The following ANKRD45 variants were observed in gnomAD, a reference collection of about 807,000 sequenced individuals.
ANKRD45 encodes ankyrin repeat domain 45, also known as ankyrin repeat domain-containing protein 45.
A neutral mutation model predicts 28.1 loss-of-function variants in ANKRD45; 21 were observed. The observed-to-expected ratio is 0.75, with a 90% confidence interval of 0.53 to 1.08. The LOEUF is 1.08. Among genes scored for constraint, ANKRD45 ranks in the 50% least tolerant of loss-of-function variants. ANKRD45 has a pLI of 0.00. For missense variants in ANKRD45, 261 were observed against 308.7 expected (o/e 0.85, Z 1.16); for synonymous variants, 86 against 103.9 (o/e 0.83, Z 1.05).
At chr1:173,650,935 A>C (rs186763975) in intron 2 of ANKRD45, among the ~76,000 whole-genome samples, 4 of 151,950 alleles carry the variant, frequency 2.6e-5, no homozygotes, top group Non-Finnish European at 4.4e-5. Flanking sequence ...CCACTTTTTG[A>C]TGGGGTTGTT....
the ANKRD45 span, among the ~76,000 whole-genome samples, chr1:173,694,340 G>A: frequency 9.9e-5 from 15 of 151,822 alleles, no homozygotes; most frequent in Non-Finnish European, 2.2e-4. Flanking sequence ...AACTTTTGTA[G>A]TTTTAGTAGA....
At chr1:173,703,250 C>CTGGA in the ANKRD45 span, among the ~76,000 whole-genome samples, 1 of 151,084 alleles carries the variant, frequency 6.6e-6, no homozygotes, top group African/African-American at 2.4e-5. Flanking sequence ...GTCGCCCAGG[C>CTGGA]TGGAGTGCAG....
intron 2 of ANKRD45, among the ~76,000 whole-genome samples, chr1:173,648,839 GT>G (rs1429164277): frequency 6.6e-6 from 1 of 152,044 alleles, no homozygotes. Context: ...ATATAGTATG[GT>G]TTTCAGGTAT....
At chr1:173,619,925 C>T (rs969092027) in intron 5 of ANKRD45, among the ~76,000 whole-genome samples, 1 of 151,662 alleles carries the variant, frequency 6.6e-6, no homozygotes, top group Non-Finnish European at 1.5e-5. Context: ...TATATATGCA[C>T]ACAATACAGG....
At chr1:173,630,122 T>C (rs1251553509) in intron 3 of ANKRD45, among the ~76,000 whole-genome samples, 2 of 152,158 alleles carry the variant, frequency 1.3e-5, no homozygotes, top group African/African-American at 4.8e-5. Context: ...AGCTGAGGGA[T>C]TTCATCAACA....
chr1:173,655,369 G>A (rs1370439908), intron 2 of ANKRD45, among the ~76,000 whole-genome samples: 1 of 152,204 alleles, frequency 6.6e-6, no homozygotes, highest in Non-Finnish European at 1.5e-5. Context: ...CTGCAGGTCT[G>A]TTGGAGTTTG....
upstream of ANKRD45, among the ~76,000 whole-genome samples, chr1:173,673,814 A>C (rs1647460544): frequency 6.6e-6 from 1 of 152,174 alleles, no homozygotes; most frequent in African/African-American, 2.4e-5. Flanking sequence ...ACTTTATTTC[A>C]AAATAATTTG....
chr1:173,693,367 ATTCT>A, the ANKRD45 span, among the ~76,000 whole-genome samples: 1 of 152,066 alleles, frequency 6.6e-6, no homozygotes, highest in African/African-American at 2.4e-5. Flanking sequence ...ATTCTTTGTT[ATTCT>A]TTCTATCTCT....
intron 3 of ANKRD45, among the ~76,000 whole-genome samples, chr1:173,641,896 C>T (rs895778154): frequency 3.3e-5 from 5 of 152,134 alleles, no homozygotes; most frequent in African/African-American, 1.2e-4. Context: ...AACTATATTA[C>T]AATCAGCAAT....
the ANKRD45 span, among the ~76,000 whole-genome samples, chr1:173,709,089 C>A: frequency 4.2e-3 from 639 of 152,368 alleles, 5 homozygotes; most frequent in African/African-American, 0.015. Context: ...CCCTGGCCAA[C>A]CTGTCCTTGC....
chr1:173,646,549 T>C (rs548861019), intron 3 of ANKRD45, among the ~76,000 whole-genome samples: 36 of 152,226 alleles, frequency 2.4e-4, no homozygotes, highest in Non-Finnish European at 4.9e-4. Flanking sequence ...GCCTTGAACA[T>C]ACATATTGAA....
chr1:173,624,694 A>C (rs1667848070), intron 5 of ANKRD45, 93 bp downstream of exon 5: 1 of 1,315,810 alleles, frequency 7.6e-7, no homozygotes, highest in African/African-American at 1.5e-5. Flanking sequence ...TACTTAATGA[A>C]GATTGTTAAA....
chr1:173,641,646 C>A (rs1313932511), intron 3 of ANKRD45, among the ~76,000 whole-genome samples: 2 of 152,162 alleles, frequency 1.3e-5, no homozygotes, highest in East Asian at 3.9e-4. Context: ...GTGCTCTAAT[C>A]CAATTGACTA....
the ANKRD45 span, among the ~76,000 whole-genome samples, chr1:173,681,599 T>C: frequency 6.6e-6 from 1 of 152,218 alleles, no homozygotes; most frequent in Non-Finnish European, 1.5e-5. Context: ...TTTCCTGTCT[T>C]TCTCAGATTC....
At chr1:173,688,369 C>A in the ANKRD45 span, among the ~76,000 whole-genome samples, 2 of 147,180 alleles carry the variant, frequency 1.4e-5, no homozygotes, top group African/African-American at 5.1e-5. Context: ...TCTCTCTCTG[C>A]CTCTTCCTCT....
chr1:173,681,203 T>A, the ANKRD45 span, among the ~76,000 whole-genome samples: 2 of 152,152 alleles, frequency 1.3e-5, no homozygotes, highest in South Asian at 4.1e-4. Flanking sequence ...ATCATATAAT[T>A]TATTAAATCA....
the ANKRD45 span, among the ~76,000 whole-genome samples, chr1:173,696,850 G>A: frequency 2.6e-5 from 4 of 151,936 alleles, no homozygotes; most frequent in African/African-American, 7.2e-5. Context: ...TCAGAAGGTC[G>A]GTAATAATAA....
chr1:173,695,096 C>T, the ANKRD45 span, among the ~76,000 whole-genome samples: 13 of 152,174 alleles, frequency 8.5e-5, no homozygotes, highest in Non-Finnish European at 1.8e-4. Flanking sequence ...TCACTATCAT[C>T]CTTATATCAT....
At chr1:173,676,965 AT>A in the ANKRD45 span, among the ~76,000 whole-genome samples, 4 of 151,938 alleles carry the variant, frequency 2.6e-5, no homozygotes, top group Non-Finnish European at 5.9e-5. Flanking sequence ...TTCCTATATA[AT>A]TTTTATACCA....
Sources: allele counts gnomAD v4.1 joint callset (sites outside exome capture counted in the v4.1 genomes callset), GRCh38; gene constraint gnomAD v4.1.1; transcripts MANE v1.5; gene names NCBI Gene and HGNC (gene_info 2026-07-23, HGNC 2026-07-21).